Variants in ANKS1B observed in about 807,000 individuals in gnomAD.
ANKS1B encodes ankyrin repeat and sterile alpha motif domain-containing protein 1B.
A neutral mutation model predicts 148.3 loss-of-function variants in ANKS1B; 36 were observed. That is an observed-to-expected ratio of 0.24 (90% CI 0.19 to 0.32). The LOEUF is 0.32. Among genes scored for constraint, ANKS1B ranks in the 10% least tolerant of loss-of-function variants. The pLI is 1.00. For synonymous variants in ANKS1B, 542 were observed against 560.8 expected, an observed-to-expected ratio of 0.97 and a Z score of 0.47; for missense variants, 1,157 against 1,542.6, an observed-to-expected ratio of 0.75 and a Z score of 4.19.
intron 11 of ANKS1B, among the ~76,000 whole-genome samples, chr12:99,409,810 A>G (rs895088099): frequency 6.6e-6 from 1 of 151,738 alleles, no homozygotes; most frequent in Non-Finnish European, 1.5e-5. Flanking sequence ...AATTTTTACT[A>G]CTCAAATAGA....
intron 16 of ANKS1B, among the ~76,000 whole-genome samples, chr12:99,058,652 C>T (rs1406180894): frequency 6.6e-6 from 1 of 150,686 alleles, no homozygotes; most frequent in Non-Finnish European, 1.5e-5. Context: ...TCCACATCTT[C>T]GCTCATGCCA....
intron 17 of ANKS1B, among the ~76,000 whole-genome samples, chr12:98,932,676 C>T (rs993931449): frequency 1.3e-5 from 2 of 152,126 alleles, no homozygotes; most frequent in African/African-American, 2.4e-5. Context: ...ATTGTTATTA[C>T]ATACTTGTTC....
intron 22 of ANKS1B, among the ~76,000 whole-genome samples, chr12:98,793,367 A>G (rs2098909867): frequency 6.6e-6 from 1 of 152,228 alleles, no homozygotes; most frequent in African/African-American, 2.4e-5. Context: ...AAAGACTTAA[A>G]TATAAGACCT....
At chr12:98,884,074 A>G (rs777287567) in intron 17 of ANKS1B, among the ~76,000 whole-genome samples, 2 of 152,216 alleles carry the variant, frequency 1.3e-5, no homozygotes, top group Non-Finnish European at 2.9e-5. Flanking sequence ...CTTCATAACT[A>G]GTAATTTATA....
intron 14 of ANKS1B, among the ~76,000 whole-genome samples, chr12:99,172,574 T>C (rs969966395): frequency 5.9e-5 from 9 of 152,186 alleles, no homozygotes; most frequent in Admixed American, 3.3e-4. Flanking sequence ...AAATTTAGTC[T>C]GCCATGCCTC....
At chr12:99,161,888 T>A (rs2076690153) in intron 14 of ANKS1B, among the ~76,000 whole-genome samples, 1 of 152,186 alleles carries the variant, frequency 6.6e-6, no homozygotes, top group Admixed American at 6.5e-5. Flanking sequence ...AGAGCCCTGC[T>A]ATAACCACTG....
chr12:99,346,562 T>C (rs563151375), intron 12 of ANKS1B, among the ~76,000 whole-genome samples: 4 of 151,898 alleles, frequency 2.6e-5, no homozygotes, highest in Non-Finnish European at 5.9e-5. Flanking sequence ...TCAGCGAGAA[T>C]GTCAGAGTAG....
At chr12:99,210,003 C>T (rs2888394) in intron 14 of ANKS1B, among the ~76,000 whole-genome samples, 9,987 of 152,166 alleles carry the variant, frequency 0.066, 681 homozygotes, top group African/African-American at 0.18. Flanking sequence ...GCTCTCTCAC[C>T]CTAAAACTAA....
intron 4 of ANKS1B, among the ~76,000 whole-genome samples, chr12:99,799,521 T>C (rs1010130049): frequency 1.1e-4 from 16 of 152,122 alleles, no homozygotes; most frequent in African/African-American, 4.8e-5. Context: ...TATAACTCCA[T>C]GGGAGCAGGA....
intron 9 of ANKS1B, among the ~76,000 whole-genome samples, chr12:99,654,223 A>G (rs2098439295): frequency 6.6e-6 from 1 of 152,210 alleles, no homozygotes; most frequent in Admixed American, 6.5e-5. Flanking sequence ...GACATGTGGA[A>G]GACGTGATGG....
At chr12:99,277,385 C>T (rs1466203977) in intron 12 of ANKS1B, among the ~76,000 whole-genome samples, 1 of 152,166 alleles carries the variant, frequency 6.6e-6, no homozygotes, top group African/African-American at 2.4e-5. Context: ...ATCAAAGCTA[C>T]TTTGGTGCCA....
chr12:99,169,244 C>T (rs529805482), intron 14 of ANKS1B, among the ~76,000 whole-genome samples: 24 of 152,194 alleles, frequency 1.6e-4, no homozygotes, highest in African/African-American at 4.6e-4. Flanking sequence ...GACATGACTT[C>T]CTATTGTGAC....
chr12:99,111,528 T>C (rs963376408), intron 15 of ANKS1B, among the ~76,000 whole-genome samples: 1 of 152,032 alleles, frequency 6.6e-6, no homozygotes, highest in African/African-American at 2.4e-5. Context: ...AATGTGTATT[T>C]TAAGGTGTTT....
At chr12:99,585,623 G>T (rs2097627286) in intron 9 of ANKS1B, among the ~76,000 whole-genome samples, 1 of 152,152 alleles carries the variant, frequency 6.6e-6, no homozygotes, top group African/African-American at 2.4e-5. Context: ...TGAGAGCCTT[G>T]TGCCTGCAGC....
At chr12:99,599,240 G>C (rs1431560293) in intron 9 of ANKS1B, among the ~76,000 whole-genome samples, 6 of 152,130 alleles carry the variant, frequency 3.9e-5, no homozygotes, top group Admixed American at 2.6e-4. Context: ...TGATTTCTTT[G>C]GGGGCATTTT....
chr12:99,217,279 A>G (rs1160297649), intron 14 of ANKS1B, among the ~76,000 whole-genome samples: 1 of 151,760 alleles, frequency 6.6e-6, no homozygotes, highest in Non-Finnish European at 1.5e-5. Context: ...ATGTGTGCCA[A>G]TCTCATAAAA....
intron 1 of ANKS1B, among the ~76,000 whole-genome samples, chr12:99,830,253 T>C (rs1287397894): frequency 6.6e-6 from 1 of 152,182 alleles, no homozygotes; most frequent in African/African-American, 2.4e-5. Context: ...AATTACAATA[T>C]AGGCAGTGAC....
chr12:98,888,416 C>A (rs888592028), intron 17 of ANKS1B, among the ~76,000 whole-genome samples: 2 of 152,214 alleles, frequency 1.3e-5, no homozygotes, highest in Admixed American at 1.3e-4. Flanking sequence ...CTGTGTCCAT[C>A]CTAGCCCTGG....
chr12:99,692,277 G>C (rs934643550), intron 8 of ANKS1B, among the ~76,000 whole-genome samples: 1 of 152,138 alleles, frequency 6.6e-6, no homozygotes, highest in Non-Finnish European at 1.5e-5. Context: ...ATTGAAGAAG[G>C]CTGGGATAGT....
Sources: allele counts gnomAD v4.1 joint callset (sites outside exome capture counted in the v4.1 genomes callset), GRCh38; gene constraint gnomAD v4.1.1; transcripts MANE v1.5; gene names NCBI Gene and HGNC (gene_info 2026-07-23, HGNC 2026-07-21).